The following PITPNM3 variants were observed in gnomAD, a reference collection of about 807,000 sequenced individuals.
The protein encoded by PITPNM3 is PITPNM family member 3.
A neutral mutation model predicts 102.0 loss-of-function variants in PITPNM3; 26 were observed. That is an observed-to-expected ratio of 0.25 (90% CI 0.19 to 0.35). PITPNM3 has a LOEUF of 0.35. PITPNM3 is among the 10% of genes least tolerant of loss of function. PITPNM3 has a pLI of 1.00. For synonymous variants in PITPNM3, 578 were observed against 558.6 expected (o/e 1.03, Z -0.49); for missense variants, 1,083 against 1,346.1 (o/e 0.80, Z 3.06).
At position 6,556,370 on chromosome 17, in the gene PITPNM3, C is replaced by T; in HGVS notation, c.22+15G>A. On this transcript the variant is annotated intron_variant, in intron 1 of 19. Coordinates refer to ENST00000262483, the MANE Select transcript of PITPNM3 (RefSeq NM_031220.4). The surrounding 1 kb of genome is among the most constrained non-coding windows in gnomAD (Gnocchi z 5.2). Reference sequence around the variant, plus strand: ...CCCCGGGCCCCGGCCCTGCCCTCCCCGCGCCCGCCCTCACCTGCACGGCCC... The same window carrying T: ...CCCCGGGCCCCGGCCCTGCCCTCCCTGCGCCCGCCCTCACCTGCACGGCCC... The T allele has an allele frequency of 7.2e-7, 1 of 1,398,506 alleles. No homozygotes were observed. Among genetic ancestry groups the T allele is most frequent in the Non-Finnish European group, 9.3e-7 (1 of 1,074,088 alleles). 86.6% of individuals were successfully genotyped at this position (1,398,506 alleles called of 1,614,324 possible). A position where few individuals can be genotyped will look rare whatever the true frequency, so the allele number is the denominator to read the frequency against.
intron 1 of PITPNM3, among the ~76,000 whole-genome samples, chr17:6,551,992 T>G (rs1910333318): frequency 2.0e-5 from 3 of 152,136 alleles, no homozygotes; most frequent in Non-Finnish European, 4.4e-5. Context: ...GCCAAATACC[T>G]ACCTCTCACG....
Position 6,457,619 on chromosome 17 carries a change from G to C in PITPNM3, c.2594C>G (p.Thr865Ser). ...CTGGCACTGGGTTTGGTACTTCTTG[G>C]TGGGCCGGCCCACAATGAAGATCTG... Reference protein sequence around the residue: ...ASQIFIVGRPTKKYQTQCQFL... With the variant: ...ASQIFIVGRPSKKYQTQCQFL... The change falls in exon 19 of 20, where the codon ACC (threonine) becomes AGC (serine). Residue 865 changes from threonine to serine, a missense_variant. By Grantham distance (58) the Thr-to-Ser change is moderately conservative. Around this residue, in one of 5 missense-constraint regions of PITPNM3, gnomAD observed 208 missense variants for 178.2 expected, o/e 1.17. Transcript: ENST00000262483. This position sits in a 1 kb window ranked among gnomAD's most constrained non-coding sequence, Gnocchi z 4.7. The C allele has an allele frequency of 6.2e-7, 1 of 1,611,450 alleles. No homozygotes were observed. Among genetic ancestry groups the C allele is most frequent in the South Asian group, 1.1e-5 (1 of 90,774 alleles).
intron 4 of PITPNM3, among the ~76,000 whole-genome samples, chr17:6,491,642 GC>G (rs1313053704): frequency 6.6e-6 from 1 of 152,024 alleles, no homozygotes; most frequent in African/African-American, 2.4e-5. Context: ...TTGTTCAGCA[GC>G]CAGACTGCAG....
intron 1 of PITPNM3, among the ~76,000 whole-genome samples, chr17:6,538,835 G>C (rs1909584639): frequency 6.6e-6 from 1 of 152,130 alleles, no homozygotes; most frequent in South Asian, 2.1e-4. Context: ...TGGGGCGGGG[G>C]GTGGACATCC....
At chr17:6,494,287 A>G (rs1906668503) in intron 4 of PITPNM3, among the ~76,000 whole-genome samples, 1 of 152,160 alleles carries the variant, frequency 6.6e-6, no homozygotes, top group African/African-American at 2.4e-5. Flanking sequence ...CTTTGCTCTT[A>G]CTAATCCCTT....
At chr17:6,483,487 A>G (rs1374107256) in intron 6 of PITPNM3, 30 bp downstream of exon 6, 2 of 1,593,708 alleles carry the variant, frequency 1.3e-6, no homozygotes, top group South Asian at 1.1e-5. Context: ...ACCAACCCCA[A>G]CCAGTTCAAA....
chr17:6,486,107 C>G (rs78074043), intron 4 of PITPNM3, among the ~76,000 whole-genome samples: 2,718 of 152,238 alleles, frequency 0.018, 87 homozygotes, highest in African/African-American at 0.062. Flanking sequence ...CCCTGAGCCC[C>G]CACCCAAATG....
chr17:6,545,605 C>T (rs1015987635), intron 1 of PITPNM3, among the ~76,000 whole-genome samples: 1 of 152,202 alleles, frequency 6.6e-6, no homozygotes, highest in Non-Finnish European at 1.5e-5. Context: ...AGCCTTCACA[C>T]CACGCTCCTC....
chr17:6,514,114 A>C (rs796308938), intron 3 of PITPNM3, among the ~76,000 whole-genome samples: 7 of 152,346 alleles, frequency 4.6e-5, no homozygotes, highest in African/African-American at 1.7e-4. Flanking sequence ...AAATTAATTC[A>C]AAGTGAATAA....
At chr17:6,476,427 T>C (rs12949662) in intron 9 of PITPNM3, among the ~76,000 whole-genome samples, 38,334 of 152,196 alleles carry the variant, frequency 0.25, 5,746 homozygotes, top group Middle Eastern at 0.41. Flanking sequence ...ATAATGTGTT[T>C]AGCCCACATT....
At chr17:6,496,001 C>A (rs761659288) in intron 4 of PITPNM3, among the ~76,000 whole-genome samples, 144 of 152,270 alleles carry the variant, frequency 9.5e-4, no homozygotes, top group Middle Eastern at 3.4e-3. Context: ...AGTAGGAGAA[C>A]TGGGGCAAGG....
Position 6,478,762 on chromosome 17 carries a change from C to G in PITPNM3, c.588-26G>C, listed in dbSNP as rs1240539136. 1.3e-6 allele frequency: 2 copies of G among 1,542,588 alleles called. No individual in the cohort carries two copies. The highest frequency in any genetic ancestry group is 1.7e-6 in the Non-Finnish European group (2 of 1,144,844). On this transcript the variant is annotated intron_variant, in intron 6 of 19. Transcript: ENST00000262483. The surrounding 1 kb of genome is among the most constrained non-coding windows in gnomAD (Gnocchi z 4.4). The stretch of plus-strand genomic sequence containing the variant: ...CTGCAGACAGGGGGCCCAAGGTGAG[C>G]CCAGCCAGGATCGGGCAGGTTGGCA...
intron 1 of PITPNM3, among the ~76,000 whole-genome samples, chr17:6,549,288 C>G (rs1406637940): frequency 6.6e-6 from 1 of 152,212 alleles, no homozygotes; most frequent in African/African-American, 2.4e-5. Context: ...ACAGACTGAA[C>G]CCCAACATGC....
chr17:6,478,709 G>A lies in PITPNM3; in HGVS notation c.615C>T (p.Gly205=). The part of the protein sequence containing the change: ...SHLNPYSHDE[G]CLSSSQDHVP... ...CGTGGTCCTGGCTGCTGCTGAGGCA[G>A]CCCTCATCGTGGCTGTAGGGGTTCA... Residue 205 remains glycine (G), a synonymous_variant, in exon 7 of 20, where the codon GGC becomes GGT. Coordinates refer to ENST00000262483, the MANE Select transcript of PITPNM3 (RefSeq NM_031220.4). The surrounding 1 kb of genome is among the most constrained non-coding windows in gnomAD (Gnocchi z 4.4). The A allele has an allele frequency of 1.9e-6, 3 of 1,594,290 alleles. No homozygotes were observed. Among genetic ancestry groups the A allele is most frequent in the Non-Finnish European group, 2.6e-6 (3 of 1,170,526 alleles).
At chr17:6,475,206 C>A (rs1399219714) in intron 9 of PITPNM3, among the ~76,000 whole-genome samples, 1 of 152,166 alleles carries the variant, frequency 6.6e-6, no homozygotes, top group Non-Finnish European at 1.5e-5. Flanking sequence ...GGTCTCCCCA[C>A]CCCCAGCCCC....
At chr17:6,456,269 C>T (rs913769329) in intron 19 of PITPNM3, among the ~76,000 whole-genome samples, 1 of 152,100 alleles carries the variant, frequency 6.6e-6, no homozygotes, top group African/African-American at 2.4e-5. Context: ...AGCAATCCTG[C>T]GTATCAAAGC....
At chr17:6,538,462 G>T (rs1202187909) in intron 1 of PITPNM3, among the ~76,000 whole-genome samples, 1 of 152,176 alleles carries the variant, frequency 6.6e-6, no homozygotes, top group African/African-American at 2.4e-5. Flanking sequence ...CTCACATACA[G>T]GTTGGAAGGG....
intron 9 of PITPNM3, among the ~76,000 whole-genome samples, 190 bp from the exon 10 acceptor site, chr17:6,474,794 T>G (rs1905230089): frequency 6.6e-6 from 1 of 152,232 alleles, no homozygotes; most frequent in African/African-American, 2.4e-5. Flanking sequence ...TGGCTGATAT[T>G]TGGCTAGAAA....
intron 9 of PITPNM3, among the ~76,000 whole-genome samples, chr17:6,476,418 T>C (rs761824502): frequency 1.3e-5 from 2 of 152,258 alleles, no homozygotes; most frequent in Non-Finnish European, 2.9e-5. Context: ...AATGTGCAGA[T>C]AATGTGTTTA....
Sources: allele counts gnomAD v4.1 joint callset (sites outside exome capture counted in the v4.1 genomes callset), GRCh38; gene constraint gnomAD v4.1.1; regional missense constraint gnomAD v4.1.1; non-coding constraint Gnocchi (gnomAD v3.1); transcripts MANE v1.5; gene names NCBI Gene and HGNC (gene_info 2026-07-23, HGNC 2026-07-21).